Variants in TMEM52B observed in about 807,000 individuals in gnomAD.
The protein encoded by TMEM52B is transmembrane protein 52B, also known as chromosome 12 open reading frame 59.
A neutral mutation model predicts 16.1 loss-of-function variants in TMEM52B; 11 were observed. That is an observed-to-expected ratio of 0.68 (90% CI 0.43 to 1.13). The LOEUF is 1.13. Ranked by LOEUF, TMEM52B falls within the 50% of genes most tolerant of loss-of-function variation. The pLI, the probability that TMEM52B is intolerant of heterozygous loss-of-function variation, is 0.00. For synonymous variants in TMEM52B, 101 were observed against 93.8 expected, an observed-to-expected ratio of 1.08 and a Z score of -0.45; for missense variants, 243 against 230.4, an observed-to-expected ratio of 1.05 and a Z score of -0.35.
chr12:10,181,722 A>G (rs757291715), intron 1 of TMEM52B, among the ~76,000 whole-genome samples: 2 of 151,576 alleles, frequency 1.3e-5, no homozygotes, highest in African/African-American at 2.4e-5. Context: ...ATTAAATGTT[A>G]TGAAATATTA....
chr12:10,184,772 C>A lies in TMEM52B; in HGVS notation c.99-558C>A, dbSNP rs568293776. Among the ~76,000 whole-genome samples, 44 of 152,146 alleles carry A rather than the reference C, an allele frequency of 2.9e-4. 2 individuals carry two copies. The South Asian group carries it at 8.7e-3, about 30-fold the overall frequency. ...TTTATTGACCTCAAATATACACAAG[C>A]CTTAAGTTTCACATCCATTTTCAAA... On this transcript the variant is annotated intron_variant, in intron 2 of 4. Coordinates refer to ENST00000543484, the MANE Select transcript of TMEM52B (RefSeq NM_001384896.1).
intron 1 of TMEM52B, among the ~76,000 whole-genome samples, chr12:10,181,100 C>T (rs1948817240): frequency 6.6e-6 from 1 of 152,038 alleles, no homozygotes; most frequent in Non-Finnish European, 1.5e-5. Context: ...AGCCACTGCA[C>T]CCAGCCTTGA....
intron 1 of TMEM52B, among the ~76,000 whole-genome samples, chr12:10,172,982 C>A (rs1311234128): frequency 2.0e-5 from 3 of 152,060 alleles, no homozygotes; most frequent in Non-Finnish European, 4.4e-5. Flanking sequence ...TCAAATGACA[C>A]GCTGGTTAAA....
intron 4 of TMEM52B, among the ~76,000 whole-genome samples, chr12:10,188,606 C>T (rs1948914177): frequency 1.3e-5 from 2 of 151,558 alleles, no homozygotes; most frequent in South Asian, 4.2e-4. Flanking sequence ...GTGGCTCATG[C>T]TTGTAATCCC....
chr12:10,183,206 A>G (rs527969462), intron 2 of TMEM52B, among the ~76,000 whole-genome samples: 1 of 152,236 alleles, frequency 6.6e-6, no homozygotes, highest in Non-Finnish European at 1.5e-5. Context: ...CGTGTTTAGG[A>G]TGAAGAAAAA....
upstream of TMEM52B, among the ~76,000 whole-genome samples, chr12:10,176,453 G>A (rs567669695): frequency 2.0e-5 from 3 of 152,310 alleles, no homozygotes; most frequent in Admixed American, 6.5e-5. Context: ...CAATGCGAGC[G>A]GGGAGTCATG....
At chr12:10,189,284 G>A (rs1006184229) in intron 4 of TMEM52B, among the ~76,000 whole-genome samples, 1 of 151,758 alleles carries the variant, frequency 6.6e-6, no homozygotes, top group Non-Finnish European at 1.5e-5. Flanking sequence ...GGGGGAAAGG[G>A]ATCTAAGTCT....
At chr12:10,183,204 G>A (rs900601872) in intron 2 of TMEM52B, among the ~76,000 whole-genome samples, 2 of 152,128 alleles carry the variant, frequency 1.3e-5, no homozygotes, top group African/African-American at 4.8e-5. Flanking sequence ...AACGTGTTTA[G>A]GATGAAGAAA....
In TMEM52B at chr12:10,186,589, T is replaced by A; in HGVS notation, c.307T>A (p.Ser103Thr). The change falls in exon 4 of 5, where the codon TCT (serine) becomes ACT (threonine). Residue 103 changes from serine (S) to threonine (T), a missense_variant and splice_region_variant. Transcript: ENST00000543484. Reference sequence around the variant, plus strand: ...CAGCACTCTCCAGAGCACTATCACATGTGAGTACACTGAACTTTTAACCTG... The same window carrying A: ...CAGCACTCTCCAGAGCACTATCACAAGTGAGTACACTGAACTTTTAACCTG... ...HDSTLQSTIT[S>T]LQSVFGPAAR... 1 of 1,572,828 alleles carries A rather than the reference T, an allele frequency of 6.4e-7. No homozygotes were observed. The highest frequency in any genetic ancestry group is 8.7e-7 in the Non-Finnish European group (1 of 1,152,194).
upstream of TMEM52B, chr12:10,175,470 G>A (rs543118767): frequency 3.9e-5 from 6 of 152,250 alleles, no homozygotes; most frequent in South Asian, 1.0e-3. Flanking sequence ...CCACACTTCT[G>A]ACTCACAGAT....
intron 1 of TMEM52B, among the ~76,000 whole-genome samples, chr12:10,181,337 C>CT (rs137874714): frequency 1.6e-4 from 23 of 148,146 alleles, no homozygotes; most frequent in African/African-American, 3.0e-4. Context: ...CATTTGGTCA[C>CT]TTTTTTTTTT....
Position 10,179,599 on chromosome 12 carries a change from G to T in TMEM52B, c.25G>T (p.Ala9Ser), listed in dbSNP as rs140071448. The T allele has an allele frequency of 2.7e-4, 428 of 1,614,174 alleles. No individual in the cohort carries two copies. Among genetic ancestry groups the T allele is most frequent in the Middle Eastern group, 1.2e-3 (7 of 6,060 alleles). Residue 9 changes from alanine to serine, a missense_variant, in exon 1 of 5, where the codon GCG becomes TCG. Transcript: ENST00000543484. MGVRVHVV[A>S]ASALLYFILL... Reference sequence around the variant, plus strand: ...GATGGGAGTCCGAGTTCATGTCGTGGCGGCCTCAGCCCTGCTGTATTTCAT... The same window carrying T: ...GATGGGAGTCCGAGTTCATGTCGTGTCGGCCTCAGCCCTGCTGTATTTCAT...
Position 10,182,600 on chromosome 12 carries a change from A to G in TMEM52B, c.98+7A>G. The G allele has an allele frequency of 6.5e-7, 1 of 1,534,576 alleles. No individual in the cohort carries two copies. Among genetic ancestry groups the G allele is most frequent in the Non-Finnish European group, 8.7e-7 (1 of 1,145,882 alleles). ...ACTGTGGTAATCCTGAACAGTAAGT[A>G]TAGAGTTCAAGCTGGGAGGAAGGAG... On this transcript the variant is annotated splice_region_variant and intron_variant, in intron 2 of 4. Coordinates refer to ENST00000543484, the MANE Select transcript of TMEM52B (RefSeq NM_001384896.1).
intron 1 of TMEM52B, among the ~76,000 whole-genome samples, chr12:10,173,346 G>A (rs1050711764): frequency 2.0e-5 from 3 of 152,150 alleles, no homozygotes; most frequent in African/African-American, 7.2e-5. Flanking sequence ...AGGAAGAATG[G>A]AAAAATAAAT....
At chr12:10,189,391 A>G (rs1380602865) in intron 4 of TMEM52B, among the ~76,000 whole-genome samples, 1 of 152,022 alleles carries the variant, frequency 6.6e-6, no homozygotes, top group South Asian at 2.1e-4. Flanking sequence ...TGGGAGGCCA[A>G]GGCGGGTGGA....
Position 10,179,542 on chromosome 12 carries a change from T to A in TMEM52B, c.-33T>A. ...TTGAAAGGAGGCAACGGATGCCCAG[T>A]GCAAGATTCTGAAGAAGCAGGAATT... On this transcript the variant is annotated 5_prime_UTR_variant, in exon 1 of 5. Coordinates refer to ENST00000543484, the MANE Select transcript of TMEM52B (RefSeq NM_001384896.1). 1 of 1,613,780 alleles carries A rather than the reference T, an allele frequency of 6.2e-7. No homozygotes were observed. The highest frequency in any genetic ancestry group is 8.5e-7 in the Non-Finnish European group (1 of 1,179,678).
At chr12:10,186,698 C>T (rs1216272847) in intron 4 of TMEM52B, 109 bp downstream of exon 4, 8 of 1,170,264 alleles carry the variant, frequency 6.8e-6, no homozygotes, top group Non-Finnish European at 9.0e-6. Context: ...GATTCCAGGA[C>T]TCACAATAAT....
intron 4 of TMEM52B, among the ~76,000 whole-genome samples, chr12:10,188,960 T>C (rs1053158869): frequency 7.4e-6 from 1 of 134,982 alleles, no homozygotes; most frequent in East Asian, 2.2e-4. Context: ...GAGCTTGCAG[T>C]GAGCCGAGAT....
chr12:10,171,585 G>A (rs1299743246), intron 1 of TMEM52B, among the ~76,000 whole-genome samples: 2 of 152,128 alleles, frequency 1.3e-5, no homozygotes, highest in African/African-American at 2.4e-5. Flanking sequence ...CGAGCCCTCC[G>A]ATGTATAGAA....
Sources: gnomAD v4.1 joint callset for allele counts (sites outside exome capture counted in the v4.1 genomes callset) on GRCh38, gnomAD v4.1.1 for gene constraint, MANE v1.5 for transcripts, NCBI Gene and HGNC (gene_info 2026-07-23, HGNC 2026-07-21) for gene names.